The following LAMA2 variants were observed in gnomAD, a reference collection of about 807,000 sequenced individuals.
LAMA2 encodes the protein laminin subunit alpha 2, also known as laminin subunit alpha-2.
A neutral mutation model predicts 364.8 loss-of-function variants in LAMA2; 269 were observed. The observed-to-expected ratio is 0.74, with a 90% CI of 0.67 to 0.82. LAMA2 has a LOEUF of 0.82. LAMA2 is among the 40% of genes least tolerant of loss of function. The pLI is 0.00. For synonymous variants in LAMA2, 1,379 were observed against 1,370.6 expected, an observed-to-expected ratio of 1.01 and a Z score of -0.14; for missense variants, 3,807 against 3,873.2, an observed-to-expected ratio of 0.98 and a Z score of 0.45.
chr6:128,899,867 C>G (rs1376182743), intron 1 of LAMA2, among the ~76,000 whole-genome samples: 2 of 151,952 alleles, frequency 1.3e-5, no homozygotes, highest in Non-Finnish European at 2.9e-5. Context: ...TTAGTCAGAA[C>G]TTTTCTGGAT....
intron 40 of LAMA2, among the ~76,000 whole-genome samples, chr6:129,417,099 A>G (rs1381134511): frequency 6.6e-6 from 1 of 152,078 alleles, no homozygotes; most frequent in African/African-American, 2.4e-5. Flanking sequence ...TGCTGTCAAC[A>G]TGGTGAGCTG....
chr6:129,436,600 A>G (rs1781843838), intron 41 of LAMA2, among the ~76,000 whole-genome samples: 1 of 152,142 alleles, frequency 6.6e-6, no homozygotes, highest in African/African-American at 2.4e-5. Context: ...GAATTGCCAA[A>G]CCAAATACAT....
intron 30 of LAMA2, among the ~76,000 whole-genome samples, chr6:129,344,363 T>C (rs1043922877): frequency 2.0e-5 from 3 of 152,030 alleles, no homozygotes; most frequent in Admixed American, 1.3e-4. Flanking sequence ...ATGTGAGGGG[T>C]GAGGGTCCGG....
chr6:129,026,427 T>C (rs1785825231), intron 1 of LAMA2, among the ~76,000 whole-genome samples: 1 of 152,108 alleles, frequency 6.6e-6, no homozygotes, highest in Non-Finnish European at 1.5e-5. Flanking sequence ...TGAGTCTAAC[T>C]GCAAAAAAAT....
intron 1 of LAMA2, among the ~76,000 whole-genome samples, chr6:128,946,048 C>G: frequency 6.6e-6 from 1 of 152,152 alleles, no homozygotes; most frequent in Admixed American, 6.5e-5. Flanking sequence ...TAGGAGGCCT[C>G]TAGAAGCTGA....
intron 3 of LAMA2, among the ~76,000 whole-genome samples, chr6:129,060,456 A>G (rs902310314): frequency 3.3e-5 from 5 of 152,206 alleles, no homozygotes; most frequent in African/African-American, 7.2e-5. Context: ...GGTGCCTTCT[A>G]TGCTTAATCT....
intron 53 of LAMA2, 24 bp downstream of exon 53, chr6:129,475,425 C>T: frequency 6.4e-7 from 1 of 1,564,050 alleles, no homozygotes; most frequent in Non-Finnish European, 8.7e-7. Context: ...TTATGCATGC[C>T]TTCTTCGAGT....
At chr6:128,883,789 T>TACACAC (rs1194550604) in intron 1 of LAMA2, among the ~76,000 whole-genome samples, 1 of 123,948 alleles carries the variant, frequency 8.1e-6, no homozygotes, top group Non-Finnish European at 1.6e-5. Flanking sequence ...AAAAAAATTA[T>TACACAC]ATATATATAT....
intron 4 of LAMA2, among the ~76,000 whole-genome samples, chr6:129,114,604 A>T (rs984556472): frequency 2.2e-4 from 34 of 151,944 alleles, no homozygotes; most frequent in African/African-American, 7.7e-4. Context: ...TTTTAAAAAA[A>T]CTCTATATTT....
chr6:128,899,767 C>T (rs1399855689), intron 1 of LAMA2, among the ~76,000 whole-genome samples: 1 of 151,822 alleles, frequency 6.6e-6, no homozygotes, highest in Non-Finnish European at 1.5e-5. Context: ...AATTATCTTG[C>T]TTCTTGAGTT....
intron 3 of LAMA2, among the ~76,000 whole-genome samples, chr6:129,082,760 T>C (rs1216429155): frequency 6.6e-6 from 1 of 152,126 alleles, no homozygotes; most frequent in Non-Finnish European, 1.5e-5. Context: ...GTGAACTACA[T>C]GCTTATATAA....
chr6:129,057,478 A>T (rs1290839525), intron 2 of LAMA2, among the ~76,000 whole-genome samples: 1 of 152,256 alleles, frequency 6.6e-6, no homozygotes, highest in Non-Finnish European at 1.5e-5. Flanking sequence ...ATTAAATGAT[A>T]GAAATATATT....
At position 129,245,838 on chromosome 6, in the gene LAMA2, T is replaced by A. The variant is rs553596705; in HGVS notation, c.1783-4274T>A. ...GGTCAGAGAACTATAAGAATGAGAA[T>A]TCTGGCAGGAAAATTCATTTTTAAA... is the stretch of plus-strand genomic sequence containing the variant. On this transcript the variant is annotated intron_variant, in intron 12 of 64. Transcript: ENST00000421865. Among the ~76,000 whole-genome samples, 11 of 152,292 alleles carry A rather than the reference T, an allele frequency of 7.2e-5. No homozygotes were observed. In the South Asian group the frequency reaches 2.3e-3, roughly 32 times the overall value.
At chr6:129,140,525 G>T (rs1302666075) in intron 4 of LAMA2, among the ~76,000 whole-genome samples, 1 of 152,030 alleles carries the variant, frequency 6.6e-6, no homozygotes, top group Non-Finnish European at 1.5e-5. Context: ...AGACACTAGA[G>T]GCTGCCACAG....
chr6:129,052,305 C>CTTTTTTTTTT (rs71272306), intron 2 of LAMA2, among the ~76,000 whole-genome samples: 1 of 131,270 alleles, frequency 7.6e-6, no homozygotes, highest in Non-Finnish European at 1.6e-5. Flanking sequence ...CCGGCTAATT[C>CTTTTTTTTTT]TTTTTTTTTT....
intron 1 of LAMA2, among the ~76,000 whole-genome samples, chr6:129,005,867 G>T (rs1784418232): frequency 6.6e-6 from 1 of 150,506 alleles, no homozygotes; most frequent in Admixed American, 6.6e-5. Context: ...ATAAACGCTT[G>T]GCCATTTTGT....
Position 128,997,603 on chromosome 6 carries a change from T to C in LAMA2, c.113-52315T>C, listed in dbSNP as rs1033762393. On this transcript the variant is annotated intron_variant, in intron 1 of 64. Coordinates refer to ENST00000421865, the MANE Select transcript of LAMA2 (RefSeq NM_000426.4). ...TGAGGTCAGGGGTTCCAGACCAGCC[T>C]GGCAAACATGGTGAAACCCTGTCTC... 4.0e-4 allele frequency among the ~76,000 whole-genome samples: 61 copies of C among 152,100 alleles called. 1 individual carries two copies. Among genetic ancestry groups the C allele is most frequent in the African/African-American group, 1.5e-3 (61 of 41,490 alleles).
Position 129,303,071 on chromosome 6 carries a change from A to T in LAMA2, c.3174+2199A>T, listed in dbSNP as rs968590183. On this transcript the variant is annotated intron_variant, in intron 22 of 64. Transcript: ENST00000421865. ...AGAATTGACAGCTTAAAAGTATTAG[A>T]TATCCCAGTGTATGAACATGGCATA... Among the ~76,000 whole-genome samples the T allele has an allele frequency of 2.0e-5, 3 of 152,124 alleles. No individual in the cohort carries two copies. The South Asian group carries it at 6.2e-4, about 31-fold the overall frequency.
chr6:129,464,534 A>AT (rs1486032619), intron 50 of LAMA2, 82 bp downstream of exon 50: 3 of 1,166,964 alleles, frequency 2.6e-6, no homozygotes, highest in Admixed American at 3.4e-5. Flanking sequence ...ATCATCAGTT[A>AT]TTGGTAAAAT....
Sources: gnomAD v4.1 joint callset for allele counts (sites outside exome capture counted in the v4.1 genomes callset) on GRCh38, gnomAD v4.1.1 for gene constraint, MANE v1.5 for transcripts, NCBI Gene and HGNC (gene_info 2026-07-23, HGNC 2026-07-21) for gene names.